Variants in RNF185 observed in about 807,000 individuals in gnomAD.
The protein encoded by RNF185 is E3 ubiquitin-protein ligase RNF185.
Under a neutral mutation model 24.9 loss-of-function variants are expected in RNF185, and 13 were observed. The ratio of observed to expected loss-of-function variants is 0.52; its 90% CI spans 0.34 to 0.83. The LOEUF (loss-of-function observed/expected upper bound fraction) is 0.83. Among genes scored for constraint, RNF185 ranks in the 40% least tolerant of loss-of-function variants. RNF185 has a pLI of 0.01. For synonymous variants in RNF185, 79 were observed against 90.3 expected (o/e 0.88, Z 0.71); for missense variants, 184 against 244.7 (o/e 0.75, Z 1.65).
intron 1 of RNF185, among the ~76,000 whole-genome samples, chr22:31,177,478 T>C (rs548920435): frequency 6.6e-6 from 1 of 152,246 alleles, no homozygotes; most frequent in Non-Finnish European, 1.5e-5. Flanking sequence ...ACTTAGACTT[T>C]AAAATTTCAA....
intron 1 of RNF185, among the ~76,000 whole-genome samples, chr22:31,176,975 T>A: frequency 6.6e-6 from 1 of 152,146 alleles, no homozygotes; most frequent in Non-Finnish European, 1.5e-5. Flanking sequence ...CTTTGGAAGG[T>A]TAGGCAGATC....
At chr22:31,181,449 TC>T (rs1404006726) in intron 1 of RNF185, among the ~76,000 whole-genome samples, 2 of 152,232 alleles carry the variant, frequency 1.3e-5, no homozygotes, top group Admixed American at 6.5e-5. Context: ...ACTTCCTTGT[TC>T]TTGTTTCATC....
chr22:31,161,955 T>G (rs1447047066), intron 1 of RNF185, among the ~76,000 whole-genome samples: 2 of 148,762 alleles, frequency 1.3e-5, no homozygotes, highest in Non-Finnish European at 3.0e-5. Context: ...ACTCCTGACC[T>G]CAAGTGATCC....
At chr22:31,171,313 G>T (rs1214337314) in intron 1 of RNF185, among the ~76,000 whole-genome samples, 1 of 151,538 alleles carries the variant, frequency 6.6e-6, no homozygotes, top group Non-Finnish European at 1.5e-5. Flanking sequence ...GGGATTACAG[G>T]CGCCCACCAC....
chr22:31,164,209 G>A (rs1923764507), intron 1 of RNF185, among the ~76,000 whole-genome samples: 1 of 151,934 alleles, frequency 6.6e-6, no homozygotes, highest in African/African-American at 2.4e-5. Context: ...CTGAACTCCT[G>A]ACCTCAGGTG....
intron 1 of RNF185, among the ~76,000 whole-genome samples, chr22:31,176,819 T>C (rs2047987712): frequency 6.6e-6 from 1 of 152,198 alleles, no homozygotes; most frequent in African/African-American, 2.4e-5. Context: ...CATTATGTCA[T>C]GTAATTGAAA....
At chr22:31,162,349 C>G (rs755725281) in intron 1 of RNF185, among the ~76,000 whole-genome samples, 1 of 152,134 alleles carries the variant, frequency 6.6e-6, no homozygotes, top group Non-Finnish European at 1.5e-5. Context: ...TTTAGAACTT[C>G]TCGATCTAAA....
intron 2 of RNF185, among the ~76,000 whole-genome samples, chr22:31,188,721 G>A (rs1171098027): frequency 6.6e-6 from 1 of 151,986 alleles, no homozygotes; most frequent in Non-Finnish European, 1.5e-5. Context: ...GGAGACTGAG[G>A]TGGGAGGAAG....
chr22:31,163,469 G>A (rs181907271), intron 1 of RNF185, among the ~76,000 whole-genome samples: 3 of 151,072 alleles, frequency 2.0e-5, no homozygotes, highest in South Asian at 2.1e-4. Flanking sequence ...TTGGGACTAC[G>A]GGCACACACC....
At chr22:31,197,973 C>A (rs5997913) in intron 5 of RNF185, among the ~76,000 whole-genome samples, 120,519 of 152,116 alleles carry the variant, frequency 0.79, 48,681 homozygotes, top group African/African-American at 0.95. Flanking sequence ...AAAACATTTA[C>A]ATTTTTTGCA....
chr22:31,161,513 A>G (rs1923573689), intron 1 of RNF185, among the ~76,000 whole-genome samples: 2 of 152,206 alleles, frequency 1.3e-5, no homozygotes. Context: ...ATGACCCAAT[A>G]TCTGATAGAG....
chr22:31,178,813 A>C (rs1027661196), intron 1 of RNF185, among the ~76,000 whole-genome samples: 1 of 152,230 alleles, frequency 6.6e-6, no homozygotes, highest in Non-Finnish European at 1.5e-5. Context: ...ACTCATTTCA[A>C]ACAGCACAAA....
At chr22:31,174,760 A>G (rs978057502) in intron 1 of RNF185, among the ~76,000 whole-genome samples, 2 of 151,882 alleles carry the variant, frequency 1.3e-5, no homozygotes, top group Admixed American at 1.3e-4. Flanking sequence ...TGAACAAAAC[A>G]TTCTTTGTAT....
At position 31,165,329 on chromosome 22, in the gene RNF185, G is replaced by C. The variant is rs1172815392; in HGVS notation, c.-49+5026G>C. On this transcript the variant is annotated intron_variant, in intron 1 of 6. Transcript: ENST00000326132. ...TGGGTGTGAAGTGATATCTCATTGT[G>C]GTTTTGATTTGCATTTCCTTAATGG... Among the ~76,000 whole-genome samples the C allele has an allele frequency of 3.9e-5, 6 of 152,178 alleles. No homozygotes were observed. The East Asian group carries it at 7.7e-4, about 20-fold the overall frequency.
Position 31,197,069 on chromosome 22 carries a change from T to G in RNF185, c.363+79T>G, listed in dbSNP as rs181731704. On this transcript the variant is annotated intron_variant, in intron 5 of 6. Coordinates refer to ENST00000326132, the MANE Select transcript of RNF185 (RefSeq NM_152267.4). Reference sequence around the variant, plus strand: ...TTCCTTCTTAGCCTTACAATTTTTCTCCTTGATTATAAAAGTAAAGGAAAA... The same window carrying G: ...TTCCTTCTTAGCCTTACAATTTTTCGCCTTGATTATAAAAGTAAAGGAAAA... 6.8e-3 allele frequency: 10,659 copies of G among 1,578,564 alleles called. 51 individuals carry two copies. Among genetic ancestry groups the G allele is most frequent in the Admixed American group, 0.01 (534 of 52,254 alleles).
At position 31,201,555 on chromosome 22, in the gene RNF185, G is replaced by T; in HGVS notation, c.421G>T (p.Ala141Ser). Residue 141 changes from alanine (A) to serine (S), a missense_variant, in exon 6 of 7, where the codon GCA (alanine) becomes TCA (serine). By Grantham distance (99) the Ala-to-Ser change is moderately conservative. Transcript: ENST00000326132. Reference sequence around the variant, plus strand: ...CTTCCAGATGTCTTTTGGAATTGGGGCATTTCCCTTTGGGATATTTGCCAC... The same window carrying T: ...CTTCCAGATGTCTTTTGGAATTGGGTCATTTCCCTTTGGGATATTTGCCAC... ...GGFQMSFGIG[A>S]FPFGIFATAF... 1 of 1,612,390 alleles carries T rather than the reference G, an allele frequency of 6.2e-7. No homozygotes were observed. Among genetic ancestry groups the T allele is most frequent in the Non-Finnish European group, 8.5e-7 (1 of 1,179,922 alleles).
intron 1 of RNF185, among the ~76,000 whole-genome samples, chr22:31,166,607 C>G (rs1436967832): frequency 6.9e-6 from 1 of 145,454 alleles, no homozygotes; most frequent in East Asian, 2.1e-4. Context: ...CTTCCCTTCC[C>G]CTCCTCCTCC....
At position 31,187,204 on chromosome 22, in the gene RNF185, T is replaced by C. The variant is rs767910924; in HGVS notation, c.110T>C (p.Phe37Ser). The C allele has an allele frequency of 4.5e-5, 72 of 1,613,968 alleles. No homozygotes were observed. Among genetic ancestry groups the C allele is most frequent in the Non-Finnish European group, 5.8e-5 (69 of 1,179,958 alleles). Reference protein sequence around the residue: ...AGESGGQDSTFECNICLDTAK... With the variant: ...AGESGGQDSTSECNICLDTAK... ...GAGAGCGGAGGGCAGGACAGCACTT[T>C]CGAGTGCAACATCTGCTTGGACACA... Residue 37 changes from phenylalanine (F) to serine (S), a missense_variant, in exon 2 of 7, where the codon TTC becomes TCC. By Grantham distance (155) the Phe-to-Ser change is radical. Transcript: ENST00000326132.
chr22:31,186,273 TC>T (rs1405884135), intron 1 of RNF185, among the ~76,000 whole-genome samples: 3 of 152,116 alleles, frequency 2.0e-5, no homozygotes, highest in Non-Finnish European at 4.4e-5. Flanking sequence ...CTTATTAGCT[TC>T]CTATCCTTTC....
Sources: gnomAD v4.1 joint callset for allele counts (sites outside exome capture counted in the v4.1 genomes callset) on GRCh38, gnomAD v4.1.1 for gene constraint, MANE v1.5 for transcripts, NCBI Gene and HGNC (gene_info 2026-07-23, HGNC 2026-07-21) for gene names.